Variants in KCNA2 observed in about 807,000 individuals in gnomAD.
KCNA2 encodes potassium voltage-gated channel subfamily A member 2, also known as potassium channel, voltage gated shaker related subfamily A, member 2.
Under a neutral mutation model 33.4 loss-of-function variants are expected in KCNA2, and 11 were observed. The observed-to-expected ratio is 0.33, with a 90% CI of 0.21 to 0.55. The LOEUF is 0.55. Ranked by LOEUF, KCNA2 falls within the 20% of genes least tolerant of loss-of-function variation. KCNA2 has a pLI of 0.93. For synonymous variants in KCNA2, 222 were observed against 231.3 expected, an observed-to-expected ratio of 0.96 and a Z score of 0.37; for missense variants, 291 against 621.6, an observed-to-expected ratio of 0.47 and a Z score of 5.66.
intron 1 of KCNA2, among the ~76,000 whole-genome samples, chr1:110,623,833 C>T (rs1173598216): frequency 6.6e-6 from 1 of 151,764 alleles, no homozygotes; most frequent in Non-Finnish European, 1.5e-5. Context: ...AGAACATATA[C>T]TAATGGATAA....
chr1:110,622,901 T>C (rs1650296028), intron 1 of KCNA2, among the ~76,000 whole-genome samples: 2 of 152,294 alleles, frequency 1.3e-5, no homozygotes, highest in Admixed American at 1.3e-4. Flanking sequence ...CATCACTTCT[T>C]CTTAAATTAA....
chr1:110,601,877 TAGTC>T lies in KCNA2; in HGVS notation c.*1402_*1405del, dbSNP rs1649369432. On this transcript the variant is annotated 3_prime_UTR_variant, in exon 3 of 3. Transcript: ENST00000316361. Reference sequence around the variant, plus strand: ...GTATATATATACACCCTAGTGCACATAGTCAAACACATGCATAAATTGCCCTTTG... The same window carrying T: ...GTATATATATACACCCTAGTGCACATAAACACATGCATAAATTGCCCTTTG... 6.9e-7 allele frequency: 1 copy of T among 1,444,730 alleles called. No homozygotes were observed. The highest frequency in any genetic ancestry group is 9.1e-7 in the Non-Finnish European group (1 of 1,102,892). 89.5% of individuals were successfully genotyped at this position (1,444,730 alleles called of 1,614,324 possible).
rs1649533026 is a variant in KCNA2 at position 110,604,941 on chromosome 1, C to T, written c.-159G>A. On this transcript the variant is annotated 5_prime_UTR_variant, in exon 3 of 3. Coordinates refer to ENST00000316361, the MANE Select transcript of KCNA2 (RefSeq NM_004974.4). This position sits in a 1 kb window ranked among gnomAD's most constrained non-coding sequence, Gnocchi z 7.6. ...TCTGAGAGCTGGAGAGACAGCCTCG[C>T]TTGGCTGAAAGACAGAGGCAGTTAT... is the stretch of plus-strand genomic sequence containing the variant. 1 of 682,912 alleles carries T rather than the reference C, an allele frequency of 1.5e-6. No individual in the cohort carries two copies. Among genetic ancestry groups the T allele is most frequent in the Non-Finnish European group, 2.5e-6 (1 of 401,048 alleles). The allele number at this position is 682,912 out of a possible 1,614,324, so 42.3% of individuals were successfully genotyped here. A position where few individuals can be genotyped will look rare whatever the true frequency, so the allele number is the denominator to read the frequency against.
Position 110,594,426 on chromosome 1 carries a change from C to T in KCNA2, c.*8857G>A, listed in dbSNP as rs184504217. On this transcript the variant is annotated 3_prime_UTR_variant, in exon 3 of 3. Transcript: ENST00000316361. ...ACAGGTCTGGAAAAGGAAATAGCAT[C>T]CTCCACTCATGAGCTTTACAGCTAT... is the stretch of plus-strand genomic sequence containing the variant. 1.1e-5 allele frequency: 11 copies of T among 985,200 alleles called. No individual in the cohort carries two copies. The East Asian group carries it at 9.1e-4, about 81-fold the overall frequency. 61.0% of individuals were successfully genotyped at this position (985,200 alleles called of 1,614,324 possible).
At chr1:110,617,380 G>A (rs908230568) in intron 1 of KCNA2, among the ~76,000 whole-genome samples, 2 of 152,202 alleles carry the variant, frequency 1.3e-5, no homozygotes, top group African/African-American at 2.4e-5. Flanking sequence ...ATGAGAGGTC[G>A]ATGGGGGAAG....
At chr1:110,609,519 T>C (rs978452894), upstream of KCNA2, among the ~76,000 whole-genome samples, 1 of 152,168 alleles carries the variant, frequency 6.6e-6, no homozygotes, top group Non-Finnish European at 1.5e-5. Context: ...ATTAGGTCTT[T>C]GTGATTCTAG....
At chr1:110,617,716 C>T (rs954240457) in intron 1 of KCNA2, among the ~76,000 whole-genome samples, 3 of 152,048 alleles carry the variant, frequency 2.0e-5, no homozygotes, top group Admixed American at 6.6e-5. Flanking sequence ...CAGTGATCAG[C>T]GAGATGGGAG....
intron 1 of KCNA2, among the ~76,000 whole-genome samples, chr1:110,630,412 C>T (rs1002880126): frequency 1.3e-5 from 2 of 152,208 alleles, no homozygotes; most frequent in African/African-American, 4.8e-5. Flanking sequence ...TCCCTTTTCT[C>T]TTCCAAGTTC....
In KCNA2 at chr1:110,601,949, T is replaced by G; in HGVS notation, c.*1334A>C. 1 of 1,500,764 alleles carries G rather than the reference T, an allele frequency of 6.7e-7. No individual in the cohort carries two copies. Among genetic ancestry groups the G allele is most frequent in the Non-Finnish European group, 8.9e-7 (1 of 1,124,166 alleles). 93.0% of individuals were successfully genotyped at this position (1,500,764 alleles called of 1,614,324 possible). On this transcript the variant is annotated 3_prime_UTR_variant, in exon 3 of 3. Coordinates refer to ENST00000316361, the MANE Select transcript of KCNA2 (RefSeq NM_004974.4). ...GCTTGTACAATGTTCAAATGCAATT[T>G]CTTTTCTATCACTAGCTAGGTAGAG...
At chr1:110,617,196 G>T (rs1056257760) in intron 1 of KCNA2, among the ~76,000 whole-genome samples, 1 of 152,200 alleles carries the variant, frequency 6.6e-6, no homozygotes, top group Admixed American at 6.5e-5. Context: ...TACCCCCAGT[G>T]CCTGGAGCAC....
rs564902431 is a variant in KCNA2, at chr1:110,605,137, C to G, written c.-163-192G>C. Reference sequence around the variant, plus strand: ...CAGGGGGAGCAGGTAGCAATCTCTCCAGGAACCTCTGGAATGCCCTGCATT... The same window carrying G: ...CAGGGGGAGCAGGTAGCAATCTCTCGAGGAACCTCTGGAATGCCCTGCATT... On this transcript the variant is annotated intron_variant, in intron 2 of 2. Coordinates refer to ENST00000316361, the MANE Select transcript of KCNA2 (RefSeq NM_004974.4). Among the ~76,000 whole-genome samples, 5 of 152,300 alleles carry G rather than the reference C, an allele frequency of 3.3e-5. No homozygotes were observed. The South Asian group carries it at 1.0e-3, about 32-fold the overall frequency.
At chr1:110,607,488 C>T (rs1183471413), upstream of KCNA2, 3 of 152,400 alleles carry the variant, frequency 2.0e-5, no homozygotes, top group African/African-American at 4.8e-5. Context: ...GGGCCGGGGC[C>T]GGGGCGACAA....
rs577514630 is a variant in KCNA2 at position 110,601,184 on chromosome 1, T to G, written c.*2099A>C. On this transcript the variant is annotated 3_prime_UTR_variant, in exon 3 of 3. Coordinates refer to ENST00000316361, the MANE Select transcript of KCNA2 (RefSeq NM_004974.4). ...TAAAAAGCAGCTCTGGTTGCCAGTTTAATGGGGAGAGAGTTTGGGTCTGGA... is the reference window on the plus strand; with the variant it reads ...TAAAAAGCAGCTCTGGTTGCCAGTTGAATGGGGAGAGAGTTTGGGTCTGGA... 4.1e-6 allele frequency: 4 copies of G among 985,270 alleles called. No homozygotes were observed. The highest frequency in any genetic ancestry group is 4.8e-6 in the Non-Finnish European group (4 of 829,958). 61.0% of individuals were successfully genotyped at this position (985,270 alleles called of 1,614,324 possible).
chr1:110,596,414 T>G lies in KCNA2; in HGVS notation c.*6869A>C, dbSNP rs1356360371. The G allele has an allele frequency of 4.7e-6, 1 of 214,484 alleles. No homozygotes were observed. The highest frequency in any genetic ancestry group is 6.5e-5 in the Admixed American group (1 of 15,320). 13.3% of individuals were successfully genotyped at this position (214,484 alleles called of 1,614,324 possible). A position where few individuals can be genotyped will look rare whatever the true frequency, so the allele number is the denominator to read the frequency against. ...AACTCAGGACCAATTAACCAAAACC[T>G]CGATTGACAAGAATTATGTTTTCTT... On this transcript the variant is annotated 3_prime_UTR_variant, in exon 3 of 3. Coordinates refer to ENST00000316361, the MANE Select transcript of KCNA2 (RefSeq NM_004974.4).
At position 110,604,799 on chromosome 1, in the gene KCNA2, A is replaced by G; in HGVS notation, c.-17T>C. The G allele has an allele frequency of 6.2e-7, 1 of 1,601,276 alleles. No homozygotes were observed. ...CACTGTCATAATTGGGACTGAGAGA[A>G]GCACCTCACGCTATGCCTTTCAGCT... is the stretch of plus-strand genomic sequence containing the variant. On this transcript the variant is annotated 5_prime_UTR_variant, in exon 3 of 3. Coordinates refer to ENST00000316361, the MANE Select transcript of KCNA2 (RefSeq NM_004974.4). This position sits in a 1 kb window ranked among gnomAD's most constrained non-coding sequence, Gnocchi z 7.6.
At chr1:110,609,316 C>T (rs563533674), upstream of KCNA2, among the ~76,000 whole-genome samples, 69 of 152,282 alleles carry the variant, frequency 4.5e-4, no homozygotes, top group African/African-American at 1.6e-3. Flanking sequence ...GAAAATCAAT[C>T]GTCATAATTG....
chr1:110,629,954 GT>G (rs138731102), intron 1 of KCNA2, among the ~76,000 whole-genome samples: 1 of 149,482 alleles, frequency 6.7e-6, no homozygotes, highest in East Asian at 2.0e-4. Context: ...TGGAAGAAGC[GT>G]TTTTTTAAAT....
rs115196580 is a variant in KCNA2, at chr1:110,626,574, T to C, written c.-496+4821A>G. Among the ~76,000 whole-genome samples, 1,083 of 152,296 alleles carry C rather than the reference T, an allele frequency of 7.1e-3. 8 individuals are homozygous for C. The highest frequency in any genetic ancestry group is 0.024 in the African/African-American group (1,015 of 41,552). ...TTTATTATTTTGGTTTTTTGATTTA[T>C]GTGAAATATTACTATTCAAAGCAAA... On this transcript the variant is annotated intron_variant, in intron 1 of 4. Coordinates refer to the KCNA2 transcript ENST00000369770.
chr1:110,604,147 G>A lies in KCNA2; in HGVS notation c.636C>T (p.Tyr212=). ...FHTYSNSTIG[Y]QQSTSFTDPF... Reference sequence around the variant, plus strand: ...GGTCTGTGAAGGAAGTGGACTGCTGGTACCCGATGGTGCTGTTGGAATAGG... The same window carrying A: ...GGTCTGTGAAGGAAGTGGACTGCTGATACCCGATGGTGCTGTTGGAATAGG... Residue 212 remains tyrosine, a synonymous_variant, in exon 3 of 3, where the codon TAC becomes TAT. Transcript: ENST00000316361. The surrounding 1 kb of genome is among the most constrained non-coding windows in gnomAD (Gnocchi z 7.6). 6.2e-7 allele frequency: 1 copy of A among 1,614,214 alleles called. No individual in the cohort carries two copies. The highest frequency in any genetic ancestry group is 8.5e-7 in the Non-Finnish European group (1 of 1,180,040).
Sources: gnomAD v4.1 joint callset for allele counts (sites outside exome capture counted in the v4.1 genomes callset) on GRCh38, gnomAD v4.1.1 for gene constraint, Gnocchi (gnomAD v3.1) non-coding constraint, MANE v1.5 for transcripts, NCBI Gene and HGNC (gene_info 2026-07-23, HGNC 2026-07-21) for gene names.